The following ATXN10 variants were observed in gnomAD, a reference collection of about 807,000 sequenced individuals.
ATXN10 encodes the protein ataxin-10.
Under a neutral mutation model 52.9 loss-of-function variants are expected in ATXN10, and 28 were observed. That is an observed-to-expected ratio of 0.53 (90% CI 0.39 to 0.73). The LOEUF is 0.73. Among genes scored for constraint, ATXN10 ranks in the 30% least tolerant of loss-of-function variants. The pLI is 0.00. For missense variants in ATXN10, 565 were observed against 577.0 expected (o/e 0.98, Z 0.21); for synonymous variants, 226 against 221.5 (o/e 1.02, Z -0.18).
intron 6 of ATXN10, among the ~76,000 whole-genome samples, chr22:45,722,137 A>G (rs1431159122): frequency 1.3e-5 from 2 of 152,154 alleles, no homozygotes; most frequent in African/African-American, 2.4e-5. Flanking sequence ...AGACTTTCAC[A>G]CCAATGTGTA....
intron 9 of ATXN10, among the ~76,000 whole-genome samples, chr22:45,751,080 G>A (rs778671261): frequency 6.6e-5 from 10 of 151,976 alleles, no homozygotes; most frequent in Non-Finnish European, 1.5e-4. Flanking sequence ...ACAGGCATGT[G>A]CCACCATGCC....
intron 9 of ATXN10, among the ~76,000 whole-genome samples, chr22:45,751,987 C>T (rs1925994738): frequency 6.6e-6 from 1 of 151,216 alleles, no homozygotes; most frequent in African/African-American, 2.4e-5. Context: ...GATTGCTTAT[C>T]TTATTCAGGT....
At chr22:45,753,824 C>T (rs374735576) in intron 9 of ATXN10, among the ~76,000 whole-genome samples, 3 of 152,132 alleles carry the variant, frequency 2.0e-5, no homozygotes, top group Admixed American at 6.5e-5. Context: ...ACTGAGATGT[C>T]GAAGCAACCC....
At chr22:45,740,930 GT>G (rs1925509432) in intron 9 of ATXN10, 1 of 153,820 alleles carries the variant, frequency 6.5e-6, no homozygotes, top group Admixed American at 6.5e-5. Context: ...TCTTCTAGAT[GT>G]TTTAAAATGG....
rs1056782188 is a variant in ATXN10, at chr22:45,681,344, C to G, written c.117-8368C>G. On this transcript the variant is annotated intron_variant, in intron 1 of 11. Coordinates refer to ENST00000252934, the MANE Select transcript of ATXN10 (RefSeq NM_013236.4). The surrounding 1 kb of genome is among the most constrained non-coding windows in gnomAD (Gnocchi z 4.2). ...TTATCCATAACTGTAGCTGCCTTCC[C>G]CCACAATCTCGAGTCCCAATCCCTG... 6.6e-6 allele frequency among the ~76,000 whole-genome samples: 1 copy of G among 152,132 alleles called. No homozygotes were observed. The highest frequency in any genetic ancestry group is 2.4e-5 in the African/African-American group (1 of 41,424).
chr22:45,724,053 T>C (rs1924770536), intron 6 of ATXN10, among the ~76,000 whole-genome samples: 1 of 152,148 alleles, frequency 6.6e-6, no homozygotes, highest in Non-Finnish European at 1.5e-5. Context: ...TGTGTATATA[T>C]ATATATATCA....
intron 3 of ATXN10, among the ~76,000 whole-genome samples, chr22:45,697,398 G>A (rs1471921231): frequency 6.6e-6 from 1 of 152,132 alleles, no homozygotes; most frequent in African/African-American, 2.4e-5. Context: ...GCCTCCGAAA[G>A]TGCTGGAATT....
chr22:45,836,699 G>T (rs1243852991), intron 10 of ATXN10, among the ~76,000 whole-genome samples: 2 of 152,188 alleles, frequency 1.3e-5, no homozygotes, highest in African/African-American at 4.8e-5. Context: ...TTGGCTGACA[G>T]AAATTGGCAT....
intron 9 of ATXN10, among the ~76,000 whole-genome samples, chr22:45,802,504 C>G (rs1268431577): frequency 6.6e-6 from 1 of 152,220 alleles, no homozygotes; most frequent in African/African-American, 2.4e-5. Flanking sequence ...AACCTGTGTT[C>G]ATTCTTAAGT....
intron 9 of ATXN10, chr22:45,792,285 C>G (rs1041203138): frequency 6.6e-6 from 1 of 151,918 alleles, no homozygotes; most frequent in East Asian, 1.9e-4. Flanking sequence ...TAAATAAGAC[C>G]GTTATTCTTC....
Position 45,792,665 on chromosome 22 carries a change from A to G in ATXN10, c.1174-14294A>G, listed in dbSNP as rs2048985719. ...CGGCAAGTTCCCTAAAGTCCCTGAG[A>G]AAGTCTTGGTAGGGTTTCAGTGGCT... On this transcript the variant is annotated intron_variant, in intron 9 of 11. Transcript: ENST00000252934. The G allele has an allele frequency of 2.3e-5, 6 of 263,864 alleles. No homozygotes were observed. The South Asian group carries it at 2.7e-4, about 12-fold the overall frequency. The allele number at this position is 263,864 out of a possible 1,614,324, so 16.3% of individuals were successfully genotyped here.
rs186046693 is a variant in ATXN10, at chr22:45,690,747, G to A, written c.308+844G>A. Among the ~76,000 whole-genome samples, 272 of 152,290 alleles carry A rather than the reference G, an allele frequency of 1.8e-3. No individual in the cohort carries two copies. Among genetic ancestry groups the A allele is most frequent in the Non-Finnish European group, 3.1e-3 (211 of 68,014 alleles). The stretch of plus-strand genomic sequence containing the variant: ...AAAAGTAGTTAAAACATGAGCAGGC[G>A]AGCTGTCCAGTGCTCTTCTTTGCTT... On this transcript the variant is annotated intron_variant, in intron 2 of 11. Coordinates refer to ENST00000252934, the MANE Select transcript of ATXN10 (RefSeq NM_013236.4). The surrounding 1 kb of genome is among the most constrained non-coding windows in gnomAD (Gnocchi z 4.5).
intron 6 of ATXN10, among the ~76,000 whole-genome samples, chr22:45,725,336 A>G (rs184072351): frequency 4.9e-4 from 73 of 149,254 alleles, no homozygotes; most frequent in African/African-American, 1.7e-3. Flanking sequence ...TCTTTCAGCC[A>G]TGTTTTATAG....
At chr22:45,725,681 GC>G (rs1168365115) in intron 6 of ATXN10, among the ~76,000 whole-genome samples, 1 of 151,922 alleles carries the variant, frequency 6.6e-6, no homozygotes, top group Non-Finnish European at 1.5e-5. Context: ...GATTGTTCTG[GC>G]TAGACCTTCC....
chr22:45,718,523 A>G lies in ATXN10; in HGVS notation c.728+30A>G. On this transcript the variant is annotated intron_variant, in intron 6 of 11. Transcript: ENST00000252934. This position sits in a 1 kb window ranked among gnomAD's most constrained non-coding sequence, Gnocchi z 4.4. Reference sequence around the variant, plus strand: ...CCCCCCAACCAGCGTGGTCTGGAGTATTTAGCATTCCATATAGGGTATTCG... The same window carrying G: ...CCCCCCAACCAGCGTGGTCTGGAGTGTTTAGCATTCCATATAGGGTATTCG... 2 of 1,572,524 alleles carry G rather than the reference A, an allele frequency of 1.3e-6. No individual in the cohort carries two copies. The highest frequency in any genetic ancestry group is 1.8e-6 in the Non-Finnish European group (2 of 1,142,376).
At position 45,764,846 on chromosome 22, in the gene ATXN10, C is replaced by T. The variant is rs761309372; in HGVS notation, c.1173+24308C>T. Among the ~76,000 whole-genome samples, 210 of 152,330 alleles carry T rather than the reference C, an allele frequency of 1.4e-3. 2 individuals are homozygous for T. The highest frequency in any genetic ancestry group is 3.2e-3 in the Admixed American group (49 of 15,308). On this transcript the variant is annotated intron_variant, in intron 9 of 11. Coordinates refer to ENST00000252934, the MANE Select transcript of ATXN10 (RefSeq NM_013236.4). ...GCATCAGACAGCTAGGATGTCAGTG[C>T]TGTCTGCTAGTGTCCTTGTGACTGT...
In ATXN10 at chr22:45,816,176, C is replaced by G. The variant is rs184468914; in HGVS notation, c.1237+9154C>G. 2.0e-5 allele frequency among the ~76,000 whole-genome samples: 3 copies of G among 152,298 alleles called. No individual in the cohort carries two copies. In the East Asian group the frequency reaches 5.8e-4, roughly 29 times the overall value. On this transcript the variant is annotated intron_variant, in intron 10 of 11. Coordinates refer to ENST00000252934, the MANE Select transcript of ATXN10 (RefSeq NM_013236.4). This position sits in a 1 kb window ranked among gnomAD's most constrained non-coding sequence, Gnocchi z 5.8. ...GCTGAGGCAGGAGAATCGCTTGAAC[C>G]TGCAAGGCGCAGGTTGTAGTGAGCT... is the stretch of plus-strand genomic sequence containing the variant.
intron 6 of ATXN10, among the ~76,000 whole-genome samples, chr22:45,724,012 C>T (rs570417019): frequency 2.7e-5 from 4 of 147,120 alleles, no homozygotes; most frequent in African/African-American, 7.6e-5. Flanking sequence ...GACATTATTT[C>T]ATTCTTTTTT....
rs533279400 is a variant in ATXN10, at chr22:45,688,567, T to A, written c.117-1145T>A. ...TGTATAAGAAGCCATGGTACTGAAG[T>A]TCAAGGAAAGACGTGTTTCCTCTGC... On this transcript the variant is annotated intron_variant, in intron 1 of 11. Transcript: ENST00000252934. The surrounding 1 kb of genome is among the most constrained non-coding windows in gnomAD (Gnocchi z 4.0). Among the ~76,000 whole-genome samples, 1 of 152,076 alleles carries A rather than the reference T, an allele frequency of 6.6e-6. No homozygotes were observed. Among genetic ancestry groups the A allele is most frequent in the Non-Finnish European group, 1.5e-5 (1 of 68,000 alleles).
Sources: gnomAD v4.1 joint callset for allele counts (sites outside exome capture counted in the v4.1 genomes callset) on GRCh38, gnomAD v4.1.1 for gene constraint, Gnocchi (gnomAD v3.1) non-coding constraint, MANE v1.5 for transcripts, NCBI Gene and HGNC (gene_info 2026-07-23, HGNC 2026-07-21) for gene names.